Variants in CRYZL1 observed in about 807,000 individuals in gnomAD.
The protein encoded by CRYZL1 is crystallin zeta like 1.
A neutral mutation model predicts 50.6 loss-of-function variants in CRYZL1; 34 were observed. The observed-to-expected ratio is 0.67, with a 90% CI of 0.51 to 0.89. The LOEUF (loss-of-function observed/expected upper bound fraction) is 0.89. Among genes scored for constraint, CRYZL1 ranks in the 40% least tolerant of loss-of-function variants. CRYZL1 has a pLI of 0.00. For missense variants in CRYZL1, 354 were observed against 402.3 expected, an observed-to-expected ratio of 0.88 and a Z score of 1.03; for synonymous variants, 125 against 134.3, an observed-to-expected ratio of 0.93 and a Z score of 0.48.
intron 2 of CRYZL1, among the ~76,000 whole-genome samples, chr21:33,625,510 G>A (rs1164655200): frequency 6.6e-6 from 1 of 151,814 alleles, no homozygotes; most frequent in Admixed American, 6.6e-5. Context: ...TTGAGACAGG[G>A]TCTCACTCTG....
intron 1 of CRYZL1, chr21:33,641,306 C>T (rs1194731529): frequency 1.3e-6 from 2 of 1,547,380 alleles, no homozygotes; most frequent in Non-Finnish European, 1.7e-6. Context: ...AAAGAAGTGG[C>T]TGAGAAGAAG....
intron 2 of CRYZL1, among the ~76,000 whole-genome samples, chr21:33,625,702 T>C (rs1268387297): frequency 6.6e-6 from 1 of 152,014 alleles, no homozygotes; most frequent in Non-Finnish European, 1.5e-5. Context: ...CAGGCTGGTC[T>C]CTAAGTCCTG....
In CRYZL1 at chr21:33,589,570, A is replaced by G. The variant is rs1376758023; in HGVS notation, c.*252T>C. ...GAATTTTATAGCAGGGGCAAAATAT[A>G]TAGAAACAATGAAAAGGTTTTTAGA... On this transcript the variant is annotated 3_prime_UTR_variant, in exon 13 of 13. Coordinates refer to ENST00000381554, the MANE Select transcript of CRYZL1 (RefSeq NM_145858.3). The G allele has an allele frequency of 4.0e-6, 2 of 506,328 alleles. No homozygotes were observed. Among genetic ancestry groups the G allele is most frequent in the African/African-American group, 2.0e-5 (1 of 50,472 alleles). The allele number at this position is 506,328 out of a possible 1,614,324, so 31.4% of individuals were successfully genotyped here. A position where few individuals can be genotyped will look rare whatever the true frequency, so the allele number is the denominator to read the frequency against.
intron 4 of CRYZL1, among the ~76,000 whole-genome samples, chr21:33,620,515 TA>T (rs1216346840): frequency 1.6e-3 from 225 of 143,750 alleles, no homozygotes; most frequent in Admixed American, 2.0e-3. Flanking sequence ...TCTTTTCAAT[TA>T]AAAAAAAAAA....
intron 1 of CRYZL1, among the ~76,000 whole-genome samples, chr21:33,636,444 T>A (rs1219082217): frequency 6.6e-6 from 1 of 152,240 alleles, no homozygotes; most frequent in Non-Finnish European, 1.5e-5. Flanking sequence ...ATAGAAATTT[T>A]ATACTTTTAC....
intron 6 of CRYZL1, among the ~76,000 whole-genome samples, chr21:33,612,583 C>A (rs1012107307): frequency 6.6e-6 from 1 of 152,196 alleles, no homozygotes; most frequent in Non-Finnish European, 1.5e-5. Flanking sequence ...GCCGCTGCGC[C>A]TGGCTGATGG....
intron 11 of CRYZL1, among the ~76,000 whole-genome samples, chr21:33,594,351 C>T (rs1434308891): frequency 2.7e-5 from 4 of 150,750 alleles, no homozygotes; most frequent in Non-Finnish European, 5.9e-5. Flanking sequence ...TTAATAGAGA[C>T]GGGGTTTCAT....
intron 1 of CRYZL1, chr21:33,641,076 A>G (rs1164013737): frequency 3.3e-6 from 5 of 1,507,262 alleles, no homozygotes; most frequent in Non-Finnish European, 4.4e-6. Flanking sequence ...GACAGAGTTC[A>G]GGTAAAACCT....
intron 11 of CRYZL1, chr21:33,591,690 A>G (rs1484503489): frequency 6.5e-6 from 1 of 154,862 alleles, no homozygotes; most frequent in Non-Finnish European, 1.4e-5. Flanking sequence ...TCCCTCACGC[A>G]TCCATGAGGG....
chr21:33,597,804 C>T (rs1057275066), intron 9 of CRYZL1, among the ~76,000 whole-genome samples: 6 of 152,004 alleles, frequency 3.9e-5, no homozygotes, highest in African/African-American at 1.2e-4. Flanking sequence ...TTAGTAGAGA[C>T]GGGGTTTCAT....
intron 5 of CRYZL1, 62 bp from the exon 6 acceptor site, chr21:33,613,668 C>T: frequency 8.8e-7 from 1 of 1,135,588 alleles, no homozygotes; most frequent in Non-Finnish European, 1.3e-6. Flanking sequence ...AATGAGAGGC[C>T]AGTATTATTA....
At chr21:33,590,625 A>G (rs567933613) in intron 12 of CRYZL1, among the ~76,000 whole-genome samples, 15 of 152,126 alleles carry the variant, frequency 9.9e-5, no homozygotes, top group East Asian at 7.8e-4. Context: ...CATGTTGGCC[A>G]GGCTGGTCTC....
Position 33,613,321 on chromosome 21 carries a change from C to G in CRYZL1, c.331+217G>C, listed in dbSNP as rs540413937. 5.9e-5 allele frequency among the ~76,000 whole-genome samples: 9 copies of G among 152,184 alleles called. No individual in the cohort carries two copies. In the East Asian group the frequency reaches 1.7e-3, roughly 29 times the overall value. On this transcript the variant is annotated intron_variant, in intron 6 of 12. Transcript: ENST00000381554. ...AGCAGTGTTAGTAAAACTTAAAGGT[C>G]TATATATTGTTTAGTCTGAATATGA...
chr21:33,597,583 A>C (rs1306185869), intron 9 of CRYZL1, among the ~76,000 whole-genome samples, 182 bp from the exon 10 acceptor site: 1 of 151,742 alleles, frequency 6.6e-6, no homozygotes, highest in East Asian at 1.9e-4. Flanking sequence ...TTGGGACTAC[A>C]GGCACAGGCC....
intron 3 of CRYZL1, among the ~76,000 whole-genome samples, chr21:33,622,549 G>A (rs2087014662): frequency 6.6e-6 from 1 of 152,192 alleles, no homozygotes; most frequent in Non-Finnish European, 1.5e-5. Flanking sequence ...TGGGTGAGAA[G>A]TAGTGATGGA....
Position 33,616,743 on chromosome 21 carries a change from G to A in CRYZL1, c.225C>T (p.Ser75=). The change falls in exon 5 of 13, where the codon AGC becomes AGT. Residue 75 remains serine, a synonymous_variant. Transcript: ENST00000381554. ...CATCTGGTTGAAAGAATGATACCTT[G>A]CTTCCAACTAAAGAGTGAAGAAAAT... The part of the protein sequence containing the change: ...EIAGIVLDVG[S]KVSFFQPDDE... 1.2e-6 allele frequency: 2 copies of A among 1,604,650 alleles called. No homozygotes were observed. The highest frequency in any genetic ancestry group is 1.7e-6 in the Non-Finnish European group (2 of 1,174,802).
At chr21:33,617,286 G>A (rs2086944987) in intron 4 of CRYZL1, 2 of 152,938 alleles carry the variant, frequency 1.3e-5, no homozygotes, top group Admixed American at 1.3e-4. Flanking sequence ...GAAGTGCTAG[G>A]ATTACAGGTG....
At position 33,612,600 on chromosome 21, in the gene CRYZL1, T is replaced by A. The variant is rs144313936; in HGVS notation, c.331+938A>T. On this transcript the variant is annotated intron_variant, in intron 6 of 12. Coordinates refer to ENST00000381554, the MANE Select transcript of CRYZL1 (RefSeq NM_145858.3). The stretch of plus-strand genomic sequence containing the variant: ...CGCTGCGCCTGGCTGATGGTCAGAC[T>A]TTTTAACTTTTGTCAGTCTGGTGGA... Among the ~76,000 whole-genome samples the A allele has an allele frequency of 4.0e-3, 615 of 152,290 alleles. 6 individuals are homozygous for A. The highest frequency in any genetic ancestry group is 0.014 in the African/African-American group (584 of 41,562).
chr21:33,640,362 C>CA (rs1268853776), intron 1 of CRYZL1, among the ~76,000 whole-genome samples: 1 of 151,746 alleles, frequency 6.6e-6, no homozygotes, highest in Non-Finnish European at 1.5e-5. Flanking sequence ...TTATACACTG[C>CA]AATGGCTGCG....
Sources: gnomAD v4.1 joint callset for allele counts (sites outside exome capture counted in the v4.1 genomes callset) on GRCh38, gnomAD v4.1.1 for gene constraint, MANE v1.5 for transcripts, NCBI Gene and HGNC (gene_info 2026-07-23, HGNC 2026-07-21) for gene names.